The following USO1 variants were observed in gnomAD, a reference collection of about 807,000 sequenced individuals.
The protein encoded by USO1 is USO1 vesicle transport factor.
USO1 carries 57 observed loss-of-function variants against 124.5 expected under a neutral mutation model. That is an observed-to-expected ratio of 0.46 (90% confidence interval 0.37 to 0.57). The LOEUF (loss-of-function observed/expected upper bound fraction) is 0.57. USO1 is among the 20% of genes least tolerant of loss of function. The pLI, the probability that USO1 is intolerant of heterozygous loss-of-function variation, is 0.00. For synonymous variants in USO1, 369 were observed against 362.8 expected (o/e 1.02, Z -0.19); for missense variants, 900 against 1,040.6 (o/e 0.86, Z 1.86).
chr4:75,749,228 C>T (rs971806353), intron 1 of USO1, among the ~76,000 whole-genome samples: 5 of 152,008 alleles, frequency 3.3e-5, no homozygotes, highest in Non-Finnish European at 2.9e-5. Flanking sequence ...GTTCTGTGAT[C>T]GTAGGGAATC....
Position 75,759,264 on chromosome 4 carries a change from T to TTTTTTTTTTTTTTTC in USO1, c.295+1691_295+1692insTTTTTTTTTTTTTTC, listed in dbSNP as rs1553898967. On this transcript the variant is annotated intron_variant, in intron 4 of 23. Transcript: ENST00000514213. The stretch of plus-strand genomic sequence containing the variant: ...TAAGGACCTTTTTTTTTTTTTTTTT[T>TTTTTTTTTTTTTTTC]CTGAAAATTTAGTCATCCTGAAAGA... 1.2e-4 allele frequency among the ~76,000 whole-genome samples: 17 copies of TTTTTTTTTTTTTTTC among 145,500 alleles called. 1 individual carries two copies. The highest frequency in any genetic ancestry group is 4.2e-4 in the African/African-American group (16 of 38,452).
Position 75,801,130 on chromosome 4 carries a change from A to G in USO1, c.1916A>G (p.Glu639Gly), listed in dbSNP as rs748260147. 1 of 1,608,346 alleles carries G rather than the reference A, an allele frequency of 6.2e-7. No individual in the cohort carries two copies. The highest frequency in any genetic ancestry group is 8.5e-7 in the Non-Finnish European group (1 of 1,177,152). ...TCCAGTGAAGAAGATAAAAAAGAAGAAGAGGTGAAAAAAACATTAGAACAG... is the reference window on the plus strand; with the variant it reads ...TCCAGTGAAGAAGATAAAAAAGAAGGAGAGGTGAAAAAAACATTAGAACAG... ...YKSSEEDKKE[E>G]EVKKTLEQHD... Residue 639 changes from glutamate to glycine, a missense_variant, in exon 17 of 24, where the codon GAA becomes GGA. Glu to Gly is a moderately conservative substitution (Grantham distance 98, BLOSUM62 -2). This residue lies in a region of USO1 where 362 missense variants were observed against 359.0 expected (regional missense o/e 1.01). Transcript: ENST00000514213.
intron 9 of USO1, among the ~76,000 whole-genome samples, chr4:75,783,634 G>A (rs1443982294): frequency 6.6e-6 from 1 of 152,160 alleles, no homozygotes; most frequent in Non-Finnish European, 1.5e-5. Flanking sequence ...GACCTAACTA[G>A]ATGGTTAGGT....
Position 75,793,712 on chromosome 4 carries a change from T to C in USO1, c.1263T>C (p.Ala421=), listed in dbSNP as rs763257046. ...TAGCAACAGGTAATTCAGTTTCAGC[T>C]GGCCAGTTATTATGTGGAGGTTTGT... is the stretch of plus-strand genomic sequence containing the variant. ...TIDATGNSVS[A]GQLLCGGLFS... Residue 421 remains alanine, a synonymous_variant, in exon 13 of 24, where the codon GCT becomes GCC. Coordinates refer to ENST00000514213, the MANE Select transcript of USO1 (RefSeq NM_003715.4). 4 of 1,610,480 alleles carry C rather than the reference T, an allele frequency of 2.5e-6. No homozygotes were observed. The highest frequency in any genetic ancestry group is 3.4e-5 in the Admixed American group (2 of 59,446).
At chr4:75,772,362 G>A (rs1721955986) in intron 7 of USO1, among the ~76,000 whole-genome samples, 1 of 151,698 alleles carries the variant, frequency 6.6e-6, no homozygotes, top group African/African-American at 2.4e-5. Context: ...TCAGCCTCTC[G>A]AGTAGCTGGG....
At chr4:75,746,840 C>T (rs1370067469) in intron 1 of USO1, among the ~76,000 whole-genome samples, 1 of 152,042 alleles carries the variant, frequency 6.6e-6, no homozygotes, top group Non-Finnish European at 1.5e-5. Context: ...TAGTACCTCG[C>T]TCAGTAGCAA....
chr4:75,751,973 G>A (rs1363357891), intron 1 of USO1, among the ~76,000 whole-genome samples: 2 of 152,032 alleles, frequency 1.3e-5, no homozygotes, highest in African/African-American at 4.8e-5. Context: ...AAAATGTTAG[G>A]AAAAAGATGA....
At chr4:75,805,059 T>G in intron 18 of USO1, 81 bp from the exon 19 acceptor site, 1 of 1,456,980 alleles carries the variant, frequency 6.9e-7, no homozygotes, top group East Asian at 2.4e-5. Flanking sequence ...ATGAAGAAAA[T>G]TACATATTTG....
chr4:75,786,597 T>G (rs779351384), intron 9 of USO1, among the ~76,000 whole-genome samples: 7 of 152,336 alleles, frequency 4.6e-5, no homozygotes, highest in African/African-American at 1.7e-4. Flanking sequence ...CATGAATCTT[T>G]TACCATCTCT....
At chr4:75,794,173 T>C (rs1264419844) in intron 13 of USO1, among the ~76,000 whole-genome samples, 1 of 152,220 alleles carries the variant, frequency 6.6e-6, no homozygotes, top group Admixed American at 6.5e-5. Flanking sequence ...TTTTAAATTA[T>C]CCACAGTGTT....
At position 75,813,190 on chromosome 4, in the gene USO1, C is replaced by T. The variant is rs17284996; in HGVS notation, c.2800-16C>T. On this transcript the variant is annotated splice_polypyrimidine_tract_variant and intron_variant, in intron 23 of 23. Transcript: ENST00000514213. ...GAACAGATTTTCACAATATTAAATA[C>T]GTCTTTTTCCTCTAGGTTGAAGAAG... is the stretch of plus-strand genomic sequence containing the variant. The T allele has an allele frequency of 0.35, 558,802 of 1,591,518 alleles. 106,593 individuals are homozygous for T. The highest frequency in any genetic ancestry group is 0.78 in the East Asian group (34,786 of 44,564).
intron 7 of USO1, among the ~76,000 whole-genome samples, chr4:75,773,266 C>T (rs1353426117): frequency 6.6e-6 from 1 of 151,902 alleles, no homozygotes; most frequent in Non-Finnish European, 1.5e-5. Context: ...AGATTAAGTT[C>T]TGTTTTTGTT....
chr4:75,791,176 A>T (rs1222982075), intron 12 of USO1, among the ~76,000 whole-genome samples: 1 of 152,242 alleles, frequency 6.6e-6, no homozygotes. Flanking sequence ...GCCAAAACTT[A>T]GCATGTATAG....
intron 3 of USO1, among the ~76,000 whole-genome samples, chr4:75,753,079 A>G (rs1721335068): frequency 6.6e-6 from 1 of 152,166 alleles, no homozygotes. Context: ...TTTTAAGAGA[A>G]ATAAACTGCA....
chr4:75,804,696 C>T (rs1722945755), intron 18 of USO1, among the ~76,000 whole-genome samples: 1 of 152,112 alleles, frequency 6.6e-6, no homozygotes, highest in Admixed American at 6.5e-5. Context: ...TTTCAGTTTC[C>T]TCTTCTGCAA....
intron 1 of USO1, among the ~76,000 whole-genome samples, chr4:75,747,717 C>T (rs1372299585): frequency 2.1e-5 from 3 of 143,158 alleles, no homozygotes; most frequent in African/African-American, 7.8e-5. Flanking sequence ...TCATGCCATT[C>T]TCCTGCCTCA....
chr4:75,809,553 A>C (rs973213940), intron 21 of USO1, among the ~76,000 whole-genome samples: 1 of 152,112 alleles, frequency 6.6e-6, no homozygotes, highest in Non-Finnish European at 1.5e-5. Flanking sequence ...AAAATATCCA[A>C]ATTCATTATT....
chr4:75,757,544 TA>T lies in USO1; in HGVS notation c.268del (p.Ile90TyrfsTer9). 1 of 1,496,452 alleles carries T rather than the reference TA, an allele frequency of 6.7e-7. No homozygotes were observed. The highest frequency in any genetic ancestry group is 8.9e-7 in the Non-Finnish European group (1 of 1,122,432). 92.7% of individuals were successfully genotyped at this position (1,496,452 alleles called of 1,614,324 possible). A position where few individuals can be genotyped will look rare whatever the true frequency, so the allele number is the denominator to read the frequency against. ...IGYALDTLYN[I>X]ISNEEEEEVE... ...TATGCTTTGGACACACTATATAATA[TA>T]ATATCTAATGAAGAAGAAGAAGAAG... is the stretch of plus-strand genomic sequence containing the variant. On this transcript the variant is annotated frameshift_variant, in exon 4 of 24. Coordinates refer to ENST00000514213, the MANE Select transcript of USO1 (RefSeq NM_003715.4). LOFTEE classifies it high-confidence loss of function.
At chr4:75,773,362 A>T (rs1721986468) in intron 7 of USO1, among the ~76,000 whole-genome samples, 1 of 101,940 alleles carries the variant, frequency 9.8e-6, no homozygotes, top group Non-Finnish European at 2.4e-5. Context: ...AGAGAAAAGA[A>T]ACTAAAATAT....
Sources: allele counts gnomAD v4.1 joint callset (sites outside exome capture counted in the v4.1 genomes callset), GRCh38; gene constraint gnomAD v4.1.1; regional missense constraint gnomAD v4.1.1; transcripts MANE v1.5; gene names NCBI Gene and HGNC (gene_info 2026-07-23, HGNC 2026-07-21).